FOXP1: variants seen among roughly 807,000 people sequenced by gnomAD.
FOXP1 encodes forkhead box protein P1.
FOXP1 carries 15 observed loss-of-function variants against 98.2 expected under a neutral mutation model. That is an observed-to-expected ratio of 0.15 (90% CI 0.10 to 0.24). The LOEUF (loss-of-function observed/expected upper bound fraction) is 0.24, where lower values mean the gene tolerates loss of function less well. Ranked by LOEUF, FOXP1 falls within the 10% of genes least tolerant of loss-of-function variation. The pLI is 1.00. For synonymous variants in FOXP1, 371 were observed against 314.5 expected, an observed-to-expected ratio of 1.18 and a Z score of -1.90; for missense variants, 633 against 848.5, an observed-to-expected ratio of 0.75 and a Z score of 3.15.
At chr3:71,185,704 T>C (rs2062605312) in intron 6 of FOXP1, among the ~76,000 whole-genome samples, 1 of 152,176 alleles carries the variant, frequency 6.6e-6, no homozygotes, top group South Asian at 2.1e-4. Context: ...AATCCAAACT[T>C]ACTTGTCTCA....
At chr3:71,255,054 T>G (rs1388931474) in intron 5 of FOXP1, among the ~76,000 whole-genome samples, 1 of 152,170 alleles carries the variant, frequency 6.6e-6, no homozygotes, top group Non-Finnish European at 1.5e-5. Flanking sequence ...CCCTAATAAA[T>G]GCACTTGAAA....
chr3:71,373,961 T>C (rs1261520390), intron 3 of FOXP1, among the ~76,000 whole-genome samples: 1 of 152,212 alleles, frequency 6.6e-6, no homozygotes, highest in Non-Finnish European at 1.5e-5. Context: ...TGAGTTGATG[T>C]AGTAATTACC....
At chr3:71,023,055 G>C (rs2045639953) in intron 11 of FOXP1, among the ~76,000 whole-genome samples, 1 of 151,994 alleles carries the variant, frequency 6.6e-6, no homozygotes, top group Admixed American at 6.6e-5. Context: ...CACCTCCTTT[G>C]ACTTAAAAGC....
chr3:71,564,851 A>G (rs2046792757), intron 2 of FOXP1, among the ~76,000 whole-genome samples: 1 of 152,228 alleles, frequency 6.6e-6, no homozygotes, highest in African/African-American at 2.4e-5. Context: ...GCAGTGGCTC[A>G]GGCCTGTAAT....
intron 6 of FOXP1, among the ~76,000 whole-genome samples, chr3:71,178,471 T>C (rs568008469): frequency 6.6e-6 from 1 of 152,224 alleles, no homozygotes; most frequent in South Asian, 2.1e-4. Context: ...GACAGCTGGG[T>C]GCAGTGGCTC....
intron 3 of FOXP1, among the ~76,000 whole-genome samples, chr3:71,412,161 G>C (rs2031848752): frequency 1.3e-5 from 2 of 152,270 alleles, no homozygotes; most frequent in East Asian, 3.9e-4. Context: ...ACCCTTAAGA[G>C]GGACAGGTCG....
chr3:71,352,458 G>A (rs549875718), intron 4 of FOXP1, among the ~76,000 whole-genome samples: 42 of 108,434 alleles, frequency 3.9e-4, no homozygotes, highest in Admixed American at 2.0e-3. Context: ...GCAACAGAGC[G>A]AGACTCCATC....
intron 2 of FOXP1, among the ~76,000 whole-genome samples, chr3:71,511,280 C>T (rs913534442): frequency 2.0e-5 from 3 of 152,130 alleles, no homozygotes; most frequent in African/African-American, 7.2e-5. Context: ...AATGACCAAA[C>T]GCAACTGCAA....
chr3:71,123,281 T>C (rs1362939200), intron 6 of FOXP1, among the ~76,000 whole-genome samples: 1 of 152,214 alleles, frequency 6.6e-6, no homozygotes, highest in African/African-American at 2.4e-5. Context: ...GTTTCTACTG[T>C]TGTGATGGCA....
chr3:71,449,711 G>T (rs2086760891), intron 3 of FOXP1, among the ~76,000 whole-genome samples: 1 of 152,162 alleles, frequency 6.6e-6, no homozygotes, highest in Non-Finnish European at 1.5e-5. Flanking sequence ...GAAGAAAGGG[G>T]TGCAATGTAA....
intron 7 of FOXP1, among the ~76,000 whole-genome samples, chr3:71,063,828 G>A (rs2051901670): frequency 6.6e-6 from 1 of 152,170 alleles, no homozygotes; most frequent in Admixed American, 6.5e-5. Flanking sequence ...ACTTGTAACT[G>A]CCAGGACTTG....
intron 4 of FOXP1, among the ~76,000 whole-genome samples, chr3:71,320,668 C>T (rs1042132446): frequency 2.6e-5 from 4 of 152,118 alleles, no homozygotes; most frequent in African/African-American, 9.7e-5. Context: ...AGCTCTATCC[C>T]AGTCTACAAA....
chr3:71,442,461 A>C (rs903611561), intron 3 of FOXP1, among the ~76,000 whole-genome samples: 1 of 151,862 alleles, frequency 6.6e-6, no homozygotes, highest in African/African-American at 2.4e-5. Context: ...ATTTCCTCTG[A>C]ATCTTGAGAA....
At chr3:71,470,251 A>G (rs1044399782) in intron 3 of FOXP1, among the ~76,000 whole-genome samples, 1 of 152,154 alleles carries the variant, frequency 6.6e-6, no homozygotes, top group Non-Finnish European at 1.5e-5. Context: ...CTGTTTCTTC[A>G]TCTGTAAAAC....
At chr3:71,409,588 T>TG (rs897228444) in intron 3 of FOXP1, among the ~76,000 whole-genome samples, 1 of 130,456 alleles carries the variant, frequency 7.7e-6, no homozygotes, top group African/African-American at 2.9e-5. Flanking sequence ...TTATTTACTT[T>TG]GGAAAAAAAA....
chr3:71,559,680 T>C (rs2046393687), intron 2 of FOXP1, among the ~76,000 whole-genome samples: 2 of 152,126 alleles, frequency 1.3e-5, no homozygotes, highest in South Asian at 2.1e-4. Flanking sequence ...ATCTCATCTT[T>C]ATAAAAACTT....
At chr3:71,066,795 A>G (rs2052571450) in intron 7 of FOXP1, among the ~76,000 whole-genome samples, 1 of 152,164 alleles carries the variant, frequency 6.6e-6, no homozygotes, top group Admixed American at 6.5e-5. Context: ...CATCCATAAA[A>G]CTCATGCATG....
intron 2 of FOXP1, among the ~76,000 whole-genome samples, chr3:71,561,145 C>A (rs1433841598): frequency 6.6e-6 from 1 of 152,104 alleles, no homozygotes; most frequent in Non-Finnish European, 1.5e-5. Context: ...CAACCTCCGA[C>A]TCCCAGGTTC....
At chr3:71,389,732 C>CT (rs932489631) in intron 3 of FOXP1, among the ~76,000 whole-genome samples, 3 of 151,966 alleles carry the variant, frequency 2.0e-5, no homozygotes, top group Non-Finnish European at 4.4e-5. Flanking sequence ...TTTTTAATCA[C>CT]TTTTTTTGCA....
Sources: gnomAD v4.1 joint callset for allele counts (sites outside exome capture counted in the v4.1 genomes callset) on GRCh38, gnomAD v4.1.1 for gene constraint, MANE v1.5 for transcripts, NCBI Gene and HGNC (gene_info 2026-07-23, HGNC 2026-07-21) for gene names.